CDYL: variants seen among roughly 807,000 people sequenced by gnomAD.
CDYL encodes chromodomain Y-like protein.
A neutral mutation model predicts 47.3 loss-of-function variants in CDYL; 8 were observed. The observed-to-expected ratio is 0.17, with a 90% CI of 0.10 to 0.31. The LOEUF (loss-of-function observed/expected upper bound fraction) is 0.31, where lower values mean the gene tolerates loss of function less well. CDYL is among the 10% of genes least tolerant of loss of function. The probability of loss-of-function intolerance (pLI) is 1.00; values close to 1 mark genes in which losing one functional copy is unlikely to be tolerated. For synonymous variants in CDYL, 266 were observed against 265.0 expected (o/e 1.00, Z -0.04); for missense variants, 471 against 701.4 (o/e 0.67, Z 3.71).
At chr6:4,732,257 C>A (rs1301723549) in intron 2 of CDYL, among the ~76,000 whole-genome samples, 1 of 152,018 alleles carries the variant, frequency 6.6e-6, no homozygotes, top group Non-Finnish European at 1.5e-5. Flanking sequence ...ATTGCTTGAG[C>A]CCCAGAGATT....
intron 1 of CDYL, among the ~76,000 whole-genome samples, chr6:4,781,613 T>G (rs1433228576): frequency 1.3e-5 from 2 of 152,212 alleles, no homozygotes; most frequent in African/African-American, 4.8e-5. Flanking sequence ...GTGCTCTTCC[T>G]TTGAACTACT....
chr6:4,775,588 G>T (rs1176959090), upstream of CDYL, among the ~76,000 whole-genome samples: 5 of 151,964 alleles, frequency 3.3e-5, no homozygotes, highest in African/African-American at 1.2e-4. This position sits in a 1 kb window ranked among gnomAD's most constrained non-coding sequence, Gnocchi z 7.0. Flanking sequence ...GAGGCCTGGC[G>T]TGGGGGGAGC....
At chr6:4,737,853 C>T (rs983881399) in intron 3 of CDYL, among the ~76,000 whole-genome samples, 15 of 151,900 alleles carry the variant, frequency 9.9e-5, no homozygotes, top group African/African-American at 2.4e-4. Context: ...AGACCCAAAA[C>T]GGACAAATGT....
intron 2 of CDYL, chr6:4,718,744 A>C (rs1279307684): frequency 6.6e-6 from 1 of 152,184 alleles, no homozygotes; most frequent in East Asian, 1.9e-4. Context: ...TTTTTTAAAA[A>C]ACAAAACTTG....
chr6:4,912,101 A>G (rs770179570), intron 2 of CDYL, among the ~76,000 whole-genome samples: 4 of 152,218 alleles, frequency 2.6e-5, no homozygotes, highest in Non-Finnish European at 5.9e-5. Flanking sequence ...AAAATACTCT[A>G]AACAGCGCTA....
intron 2 of CDYL, among the ~76,000 whole-genome samples, chr6:4,903,201 G>C (rs56278978): frequency 0.15 from 22,161 of 152,182 alleles, 4,525 homozygotes; most frequent in African/African-American, 0.46. Context: ...CTTAGGGGAC[G>C]TCCTCCAAAT....
At chr6:4,952,127 G>A (rs760009529) in intron 5 of CDYL, 139 bp from the exon 6 acceptor site, 60 of 876,098 alleles carry the variant, frequency 6.8e-5, no homozygotes, top group East Asian at 5.4e-4. Flanking sequence ...TGTTCCCAGC[G>A]GCCCCTAGAG....
intron 1 of CDYL, among the ~76,000 whole-genome samples, chr6:4,833,362 T>C (rs1760202669): frequency 6.6e-6 from 1 of 151,792 alleles, no homozygotes; most frequent in African/African-American, 2.4e-5. Flanking sequence ...GGTTGTTCAG[T>C]TTCCATGTAG....
chr6:4,725,175 T>G (rs1040485922), intron 2 of CDYL, among the ~76,000 whole-genome samples: 1 of 152,240 alleles, frequency 6.6e-6, no homozygotes, highest in African/African-American at 2.4e-5. Context: ...TTGAGCTAGA[T>G]ACAGAGTGCT....
At chr6:4,848,391 A>G (rs1460872692) in intron 1 of CDYL, among the ~76,000 whole-genome samples, 5 of 152,194 alleles carry the variant, frequency 3.3e-5, no homozygotes, top group South Asian at 2.1e-4. Flanking sequence ...AGAATTACCT[A>G]TTATGTCCTT....
At chr6:4,730,405 G>A (rs1757582676) in intron 2 of CDYL, among the ~76,000 whole-genome samples, 2 of 152,076 alleles carry the variant, frequency 1.3e-5, no homozygotes, top group Admixed American at 6.6e-5. Context: ...GGCCAGGCAC[G>A]GTGGCTCATG....
intron 1 of CDYL, among the ~76,000 whole-genome samples, chr6:4,870,100 T>A (rs1328669257): frequency 6.6e-6 from 1 of 152,196 alleles, no homozygotes; most frequent in African/African-American, 2.4e-5. Context: ...GGTCTTGATC[T>A]TTTGCACAGG....
At chr6:4,913,413 G>T (rs1404825415) in intron 2 of CDYL, among the ~76,000 whole-genome samples, 1 of 152,226 alleles carries the variant, frequency 6.6e-6, no homozygotes, top group African/African-American at 2.4e-5. Flanking sequence ...GTGTGTGGCA[G>T]TGGCAATAGA....
At chr6:4,827,536 A>G (rs116125953) in intron 1 of CDYL, among the ~76,000 whole-genome samples, 4,037 of 152,308 alleles carry the variant, frequency 0.027, 182 homozygotes, top group African/African-American at 0.092. Context: ...TATCAGCTTC[A>G]ATAGCATACA....
intron 3 of CDYL, among the ~76,000 whole-genome samples, chr6:4,738,911 C>T (rs1465339717): frequency 6.6e-6 from 1 of 152,112 alleles, no homozygotes; most frequent in African/African-American, 2.4e-5. Context: ...CCTGTAATCC[C>T]AGCACTTTGG....
intron 1 of CDYL, among the ~76,000 whole-genome samples, chr6:4,811,865 G>C (rs1041539267): frequency 1.3e-5 from 2 of 152,104 alleles, no homozygotes; most frequent in Admixed American, 6.5e-5. Context: ...AAAGACTCCT[G>C]TTGGCCATCT....
chr6:4,809,642 G>A (rs946093286), intron 1 of CDYL, among the ~76,000 whole-genome samples: 6 of 151,362 alleles, frequency 4.0e-5, no homozygotes, highest in Admixed American at 6.6e-5. Flanking sequence ...GTGATATTTT[G>A]TATGGTAGGG....
intron 3 of CDYL, among the ~76,000 whole-genome samples, chr6:4,748,178 G>A (rs1757930520): frequency 6.6e-6 from 1 of 152,116 alleles, no homozygotes; most frequent in Non-Finnish European, 1.5e-5. Flanking sequence ...TGCTGTGCCC[G>A]TGATTTCAAG....
At chr6:4,869,000 T>G (rs944749108) in intron 1 of CDYL, among the ~76,000 whole-genome samples, 3 of 152,198 alleles carry the variant, frequency 2.0e-5, no homozygotes, top group Non-Finnish European at 4.4e-5. Flanking sequence ...TTTCCTATCC[T>G]TTTACTTTTT....
Sources: allele counts gnomAD v4.1 joint callset (sites outside exome capture counted in the v4.1 genomes callset), GRCh38; gene constraint gnomAD v4.1.1; non-coding constraint Gnocchi (gnomAD v3.1); transcripts MANE v1.5; gene names NCBI Gene and HGNC (gene_info 2026-07-23, HGNC 2026-07-21).